The following MYZAP variants were observed in gnomAD, a reference collection of about 807,000 sequenced individuals.
MYZAP encodes the protein myocardial zonula adherens protein, also known as GRINL1A complex locus upstream.
A neutral mutation model predicts 69.4 loss-of-function variants in MYZAP; 66 were observed. The ratio of observed to expected loss-of-function variants is 0.95; its 90% CI spans 0.78 to 1.17. The LOEUF (loss-of-function observed/expected upper bound fraction) is 1.17. Ranked by LOEUF, MYZAP falls within the 50% of genes most tolerant of loss-of-function variation. The pLI is 0.00. For synonymous variants in MYZAP, 256 were observed against 205.9 expected (o/e 1.24, Z -2.09); for missense variants, 611 against 556.2 (o/e 1.10, Z -0.99).
At chr15:57,646,899 T>C (rs1406693233) in intron 10 of MYZAP, 4 of 985,416 alleles carry the variant, frequency 4.1e-6, no homozygotes, top group Non-Finnish European at 4.8e-6. Context: ...CCTTCATGTA[T>C]GTTTTATTTT....
rs751017394 is a variant in MYZAP, at chr15:57,618,119, G to A, written c.249G>A (p.Gln83=). Residue 83 remains glutamine, a synonymous_variant, in exon 3 of 13, where the codon CAG becomes CAA. Coordinates refer to ENST00000267853, the MANE Select transcript of MYZAP (RefSeq NM_001018100.5). ...TGGTGCGAAGATCAGATCAAAATCAGCAGAAAGAAATGGTGGTGTATGGGT... is the reference window on the plus strand; with the variant it reads ...TGGTGCGAAGATCAGATCAAAATCAACAGAAAGAAATGGTGGTGTATGGGT... ...YGVVRRSDQN[Q]QKEMVVYGWS... is the part of the protein sequence containing the mutation. 1 of 1,614,166 alleles carries A rather than the reference G, an allele frequency of 6.2e-7. No individual in the cohort carries two copies. Among genetic ancestry groups the A allele is most frequent in the South Asian group, 1.1e-5 (1 of 91,078 alleles).
intron 2 of MYZAP, among the ~76,000 whole-genome samples, chr15:57,607,075 A>G (rs1487861329): frequency 2.0e-5 from 3 of 152,188 alleles, no homozygotes; most frequent in African/African-American, 7.2e-5. Context: ...GGTCCAAGAC[A>G]TGGGTCTGGG....
At chr15:57,646,258 C>T in intron 10 of MYZAP, 1 of 1,287,794 alleles carries the variant, frequency 7.8e-7, no homozygotes. Context: ...AACACTTGTA[C>T]ACTCTCTGCT....
chr15:57,599,373 C>G, intron 1 of MYZAP: 3 of 777,802 alleles, frequency 3.9e-6, no homozygotes, highest in Admixed American at 6.2e-5. Flanking sequence ...TTTTTGCCAT[C>G]GTCGTACCCT....
chr15:57,601,734 G>T (rs2034429466), intron 1 of MYZAP, among the ~76,000 whole-genome samples: 1 of 152,140 alleles, frequency 6.6e-6, no homozygotes, highest in African/African-American at 2.4e-5. Context: ...GAGGGATCTT[G>T]AAACCAAGTC....
intron 5 of MYZAP, among the ~76,000 whole-genome samples, chr15:57,629,199 A>G (rs2036348432): frequency 6.6e-6 from 1 of 152,188 alleles, no homozygotes; most frequent in Non-Finnish European, 1.5e-5. Flanking sequence ...TACAGAAAAA[A>G]TAAATAAGAA....
intron 10 of MYZAP, 127 bp downstream of exon 10, chr15:57,639,672 T>A (rs1456570456): frequency 2.9e-6 from 3 of 1,035,648 alleles, no homozygotes; most frequent in Non-Finnish European, 4.2e-6. Context: ...GCCACTGCCA[T>A]CTAGGCCCAG....
chr15:57,649,199 C>T (rs2037603884), intron 10 of MYZAP, among the ~76,000 whole-genome samples: 1 of 152,154 alleles, frequency 6.6e-6, no homozygotes, highest in Non-Finnish European at 1.5e-5. Flanking sequence ...TGTCTCCAGG[C>T]TTCTCTAACT....
At chr15:57,669,986 A>G (rs2038790660) in intron 11 of MYZAP, among the ~76,000 whole-genome samples, 1 of 152,162 alleles carries the variant, frequency 6.6e-6, no homozygotes. Flanking sequence ...TTATAGTCAG[A>G]GAACACAGCT....
intron 7 of MYZAP, 139 bp downstream of exon 7, chr15:57,632,698 A>G (rs1442469859): frequency 1.0e-5 from 14 of 1,392,890 alleles, no homozygotes; most frequent in Non-Finnish European, 1.3e-5. Context: ...GGAATTATTC[A>G]TCTGCTCATT....
intron 2 of MYZAP, among the ~76,000 whole-genome samples, chr15:57,608,503 C>T (rs1458364333): frequency 6.6e-6 from 1 of 152,154 alleles, no homozygotes. Context: ...GCCCTGGCTG[C>T]CTGTTCCTTT....
chr15:57,676,545 A>G lies in MYZAP; in HGVS notation c.1304+1477A>G, dbSNP rs537230827. On this transcript the variant is annotated intron_variant, in intron 12 of 12. Transcript: ENST00000267853. ...AAAATATAACCAAAAAGAACGATCA[A>G]TTGTGTACAGAGACCTTTTTGAAAT... Among the ~76,000 whole-genome samples the G allele has an allele frequency of 5.9e-5, 9 of 151,376 alleles. No individual in the cohort carries two copies. The South Asian group carries it at 1.2e-3, about 21-fold the overall frequency.
At chr15:57,625,373 G>C (rs2036068614) in intron 4 of MYZAP, among the ~76,000 whole-genome samples, 1 of 152,176 alleles carries the variant, frequency 6.6e-6, no homozygotes, top group Admixed American at 6.5e-5. Context: ...AGAATTGAGT[G>C]AGACCAAAGC....
At chr15:57,669,690 C>G (rs1290262513) in intron 11 of MYZAP, among the ~76,000 whole-genome samples, 1 of 152,138 alleles carries the variant, frequency 6.6e-6, no homozygotes, top group African/African-American at 2.4e-5. Context: ...TTCGGGATTA[C>G]TTTGCTCTTC....
chr15:57,683,465 A>G (rs72745558), intron 12 of MYZAP, among the ~76,000 whole-genome samples: 8 of 152,182 alleles, frequency 5.3e-5, no homozygotes, highest in African/African-American at 1.2e-4. Flanking sequence ...TTATGTACAT[A>G]TCTTTCCCAC....
intron 11 of MYZAP, among the ~76,000 whole-genome samples, chr15:57,668,229 A>C (rs2038688470): frequency 1.3e-5 from 2 of 152,206 alleles, no homozygotes; most frequent in Admixed American, 1.3e-4. Context: ...GCTATTGTGA[A>C]TAAAGCTGCA....
At chr15:57,593,452 A>G (rs2033855136) in intron 1 of MYZAP, among the ~76,000 whole-genome samples, 1 of 152,164 alleles carries the variant, frequency 6.6e-6, no homozygotes. Context: ...AGAGGATCAT[A>G]TGTGTGACCA....
At chr15:57,680,731 G>A (rs2039390230) in intron 12 of MYZAP, 1 of 152,166 alleles carries the variant, frequency 6.6e-6, no homozygotes, top group African/African-American at 2.4e-5. Context: ...CATCAATTAT[G>A]TCTTAATAGG....
chr15:57,644,902 T>G (rs1338263206), intron 10 of MYZAP, among the ~76,000 whole-genome samples: 1 of 152,134 alleles, frequency 6.6e-6, no homozygotes, highest in Admixed American at 6.5e-5. Flanking sequence ...TAATAGAAAC[T>G]TAAAGGGACA....
Sources: allele counts gnomAD v4.1 joint callset (sites outside exome capture counted in the v4.1 genomes callset), GRCh38; gene constraint gnomAD v4.1.1; transcripts MANE v1.5; gene names NCBI Gene and HGNC (gene_info 2026-07-23, HGNC 2026-07-21).